BLTP1: variants seen among roughly 807,000 people sequenced by gnomAD.
The protein encoded by BLTP1 is fragile site-associated protein.
At chr4:122,331,198 A>G in the BLTP1 span, 1 of 1,411,150 alleles carries the variant, frequency 7.1e-7, no homozygotes, top group South Asian at 1.5e-5. Context: ...CATTAAACTC[A>G]CTCATGTGAA....
At chr4:122,267,884 G>A in the BLTP1 span, among the ~76,000 whole-genome samples, 1 of 152,114 alleles carries the variant, frequency 6.6e-6, no homozygotes, top group Non-Finnish European at 1.5e-5. Flanking sequence ...ATGACAAGAG[G>A]TTTCTGTAGT....
the BLTP1 span, chr4:122,344,594 C>G: frequency 6.9e-7 from 1 of 1,452,358 alleles, no homozygotes; most frequent in Non-Finnish European, 9.6e-7. Context: ...AATTAAAATA[C>G]TGTTTTCCAA....
chr4:122,180,236 C>A, the BLTP1 span: 1 of 942,750 alleles, frequency 1.1e-6, no homozygotes, highest in Non-Finnish European at 1.3e-6. Flanking sequence ...CACTCTGAGC[C>A]TCATTTTTTT....
chr4:122,208,570 A>G, the BLTP1 span: 1 of 960,258 alleles, frequency 1.0e-6, no homozygotes, highest in Non-Finnish European at 1.2e-6. Context: ...CTGAGCTTAT[A>G]AAAGTTTTTT....
the BLTP1 span, chr4:122,152,361 T>G: frequency 7.1e-6 from 7 of 985,790 alleles, no homozygotes; most frequent in Non-Finnish European, 8.4e-6. Flanking sequence ...TTGGGACCCC[T>G]CCCCTCCTCC....
At chr4:122,330,935 C>T in the BLTP1 span, 6,908 of 951,468 alleles carry the variant, frequency 7.3e-3, 34 homozygotes, top group Non-Finnish European at 8.3e-3. Context: ...CCAGTTTTTC[C>T]GGCACCATTT....
At chr4:122,219,929 T>C in the BLTP1 span, among the ~76,000 whole-genome samples, 4 of 152,174 alleles carry the variant, frequency 2.6e-5, no homozygotes, top group Non-Finnish European at 5.9e-5. Flanking sequence ...GGCCTTATGG[T>C]GGACCTGTTA....
chr4:122,274,465 A>C, the BLTP1 span: 1 of 1,577,236 alleles, frequency 6.3e-7, no homozygotes, highest in East Asian at 2.3e-5. Context: ...ATTTTCTTAC[A>C]CTTATAGTTT....
the BLTP1 span, among the ~76,000 whole-genome samples, chr4:122,354,451 A>G: frequency 1.4e-5 from 2 of 142,536 alleles, no homozygotes; most frequent in Admixed American, 1.5e-4. Context: ...TCAAGTTGTA[A>G]GTTTAAAAGA....
the BLTP1 span, chr4:122,269,611 A>C: frequency 1.0e-6 from 1 of 984,974 alleles, no homozygotes; most frequent in Non-Finnish European, 1.2e-6. Context: ...CATTAATTTC[A>C]GTATTGTCTG....
chr4:122,301,118 A>C, the BLTP1 span: 4 of 743,590 alleles, frequency 5.4e-6, no homozygotes, highest in Non-Finnish European at 6.6e-6. Flanking sequence ...ATAAATGTCT[A>C]CATATGCAGA....
the BLTP1 span, chr4:122,221,876 C>G: frequency 1.0e-6 from 1 of 983,682 alleles, no homozygotes; most frequent in Non-Finnish European, 1.2e-6. Context: ...TTATGAGTAC[C>G]TGGTAGCCCT....
chr4:122,166,205 A>G, the BLTP1 span, among the ~76,000 whole-genome samples: 1 of 152,100 alleles, frequency 6.6e-6, no homozygotes, highest in African/African-American at 2.4e-5. Flanking sequence ...TTATGGTTTT[A>G]GGTCTAACGT....
At chr4:122,336,769 T>C in the BLTP1 span, 1 of 1,280,982 alleles carries the variant, frequency 7.8e-7, no homozygotes, top group African/African-American at 1.5e-5. Flanking sequence ...CAGAAGCAAA[T>C]GTTTCCGGGT....
the BLTP1 span, among the ~76,000 whole-genome samples, chr4:122,319,698 A>G: frequency 3.3e-5 from 5 of 150,926 alleles, no homozygotes; most frequent in African/African-American, 7.3e-5. Flanking sequence ...CCACCACCAT[A>G]CCTGGCTAAT....
chr4:122,263,405 A>G, the BLTP1 span: 25 of 1,525,596 alleles, frequency 1.6e-5, no homozygotes, highest in Admixed American at 9.0e-5. Flanking sequence ...TCCTTAGTAT[A>G]TAAATAATAT....
the BLTP1 span, chr4:122,170,415 A>G: frequency 1.0e-5 from 10 of 979,032 alleles, no homozygotes; most frequent in Non-Finnish European, 1.2e-5. Context: ...AAATCAGGAC[A>G]TTACAAGTAT....
At chr4:122,204,868 C>G in the BLTP1 span, 1 of 864,254 alleles carries the variant, frequency 1.2e-6, no homozygotes, top group Non-Finnish European at 1.4e-6. Flanking sequence ...TGATGAATCA[C>G]TGTGATTGTT....
the BLTP1 span, chr4:122,280,250 G>C: frequency 0.033 from 31,091 of 948,134 alleles, 638 homozygotes; most frequent in East Asian, 0.14. Flanking sequence ...GGTATTGTAA[G>C]AGGTACTAAT....
Sources: allele counts gnomAD v4.1 joint callset (sites outside exome capture counted in the v4.1 genomes callset), GRCh38; gene constraint gnomAD v4.1.1; transcripts MANE v1.5; gene names NCBI Gene and HGNC (gene_info 2026-07-23, HGNC 2026-07-21).